The following CCDC180 variants were observed in gnomAD, a reference collection of about 807,000 sequenced individuals.
The protein encoded by CCDC180 is coiled-coil domain-containing protein 180.
Under a neutral mutation model 209.2 loss-of-function variants are expected in CCDC180, and 154 were observed. The ratio of observed to expected loss-of-function variants is 0.74; its 90% CI spans 0.65 to 0.84. The LOEUF (loss-of-function observed/expected upper bound fraction) is 0.84. Among genes scored for constraint, CCDC180 ranks in the 40% least tolerant of loss-of-function variants. The pLI is 0.00. For missense variants in CCDC180, 1,874 were observed against 1,997.3 expected, an observed-to-expected ratio of 0.94 and a Z score of 1.18; for synonymous variants, 778 against 749.1, an observed-to-expected ratio of 1.04 and a Z score of -0.63.
Position 97,354,884 on chromosome 9 carries a change from C to A in CCDC180, c.3148-8C>A. The A allele has an allele frequency of 1.2e-6, 2 of 1,601,460 alleles. No homozygotes were observed. The highest frequency in any genetic ancestry group is 1.7e-6 in the Non-Finnish European group (2 of 1,168,438). On this transcript the variant is annotated splice_region_variant and splice_polypyrimidine_tract_variant and intron_variant, in intron 23 of 36. Coordinates refer to ENST00000529487, the MANE Select transcript of CCDC180 (RefSeq NM_020893.6). The stretch of plus-strand genomic sequence containing the variant: ...CCCCTGTCCTTTACCCTTTATCTCT[C>A]TGTACAGGCCAATGATGTCATCAAC...
chr9:97,315,998 G>A (rs544907671), intron 8 of CCDC180, among the ~76,000 whole-genome samples: 2 of 152,184 alleles, frequency 1.3e-5, no homozygotes, highest in Non-Finnish European at 2.9e-5. Flanking sequence ...TCAAGCCATC[G>A]TAAGTCGGGG....
chr9:97,377,060 C>A lies in CCDC180; in HGVS notation c.*166C>A. ...CGAACAGGACACAGCATGGTCCCTG[C>A]CCACGTGGAGCCCTCTTCCCATGAG... On this transcript the variant is annotated 3_prime_UTR_variant, in exon 37 of 37. Coordinates refer to ENST00000529487, the MANE Select transcript of CCDC180 (RefSeq NM_020893.6). The A allele has an allele frequency of 1.6e-6, 1 of 634,786 alleles. No individual in the cohort carries two copies. The highest frequency in any genetic ancestry group is 2.4e-6 in the Non-Finnish European group (1 of 408,784). 39.3% of individuals were successfully genotyped at this position (634,786 alleles called of 1,614,324 possible).
chr9:97,353,995 CTTTTTT>C (rs33935021), intron 22 of CCDC180, among the ~76,000 whole-genome samples: 2 of 120,162 alleles, frequency 1.7e-5, no homozygotes, highest in Admixed American at 8.8e-5. Flanking sequence ...ATCTGGAATT[CTTTTTT>C]TTTTTTTTTT....
Position 97,314,470 on chromosome 9 carries a change from T to G in CCDC180, c.537T>G (p.Arg179=). Residue 179 remains arginine, a synonymous_variant, in exon 6 of 37, where the codon CGT becomes CGG. Transcript: ENST00000529487. ...KLTESDEEMN[R]LFLKVENDTN... ...CTGAGTCTGATGAAGAAATGAACCG[T>G]CTCTTCCTAAAGGTGGAAAATGACA... is the stretch of plus-strand genomic sequence containing the variant. 1 of 1,614,108 alleles carries G rather than the reference T, an allele frequency of 6.2e-7. No homozygotes were observed. Among genetic ancestry groups the G allele is most frequent in the South Asian group, 1.1e-5 (1 of 91,076 alleles).
intron 3 of CCDC180, 84 bp downstream of exon 3, chr9:97,309,688 G>T: frequency 8.7e-7 from 1 of 1,146,366 alleles, no homozygotes. Context: ...CACAAGATGA[G>T]TAGCCTGTAG....
At chr9:97,310,180 G>A (rs1406483259) in intron 3 of CCDC180, among the ~76,000 whole-genome samples, 1 of 152,226 alleles carries the variant, frequency 6.6e-6, no homozygotes, top group African/African-American at 2.4e-5. Context: ...TGCAGAATGT[G>A]GGGGGCTTCA....
chr9:97,371,521 C>A, intron 33 of CCDC180, 74 bp from the exon 34 acceptor site: 1 of 891,988 alleles, frequency 1.1e-6, no homozygotes, highest in Non-Finnish European at 1.8e-6. Flanking sequence ...GCAGAGTTCA[C>A]CCATCCCCTC....
chr9:97,343,309 C>T (rs1468243756), intron 18 of CCDC180, 31 bp from the exon 19 acceptor site: 2 of 1,422,884 alleles, frequency 1.4e-6, no homozygotes, highest in Non-Finnish European at 2.0e-6. Flanking sequence ...TTGATGATAT[C>T]AAGTCAACTT....
intron 32 of CCDC180, 44 bp downstream of exon 32, chr9:97,370,126 A>C (rs910288319): frequency 3.8e-6 from 6 of 1,586,056 alleles, no homozygotes; most frequent in Non-Finnish European, 5.1e-6. Flanking sequence ...GACCAGGGGA[A>C]CTGGGAGTTC....
At chr9:97,325,244 TCAAA>T (rs1364660101) in intron 14 of CCDC180, 52 bp downstream of exon 14, 1 of 1,526,696 alleles carries the variant, frequency 6.6e-7, no homozygotes, top group Non-Finnish European at 8.9e-7. Context: ...AGCAATGAAC[TCAAA>T]CAGATCCTTG....
intron 31 of CCDC180, among the ~76,000 whole-genome samples, chr9:97,368,107 G>T (rs1312678782): frequency 6.6e-6 from 1 of 152,186 alleles, no homozygotes; most frequent in African/African-American, 2.4e-5. Flanking sequence ...TCTGTTTCCT[G>T]CAGCTTGGCA....
intron 11 of CCDC180, 143 bp from the exon 12 acceptor site, chr9:97,322,690 G>A (rs1833398109): frequency 1.5e-6 from 1 of 680,836 alleles, no homozygotes; most frequent in Non-Finnish European, 2.6e-6. Flanking sequence ...GGGGACCCCA[G>A]CCCCTGATCT....
At chr9:97,326,211 T>C (rs1354968174) in intron 14 of CCDC180, among the ~76,000 whole-genome samples, 3 of 152,168 alleles carry the variant, frequency 2.0e-5, no homozygotes, top group African/African-American at 7.2e-5. Flanking sequence ...GCTTCTGATT[T>C]CAAGCACGAC....
At position 97,314,615 on chromosome 9, in the gene CCDC180, T is replaced by C. The variant is rs1174069643; in HGVS notation, c.589-3T>C. On this transcript the variant is annotated splice_region_variant and splice_polypyrimidine_tract_variant and intron_variant, in intron 6 of 36. Transcript: ENST00000529487. ...CTAGCCTGACCCAAACTTCTCTGCGTAGGCCCTGCTGGAGCTGTGGGATAA... is the reference window on the plus strand; with the variant it reads ...CTAGCCTGACCCAAACTTCTCTGCGCAGGCCCTGCTGGAGCTGTGGGATAA... The C allele has an allele frequency of 3.1e-6, 5 of 1,614,020 alleles. No homozygotes were observed. In the South Asian group the frequency reaches 4.4e-5, roughly 14 times the overall value.
intron 18 of CCDC180, among the ~76,000 whole-genome samples, chr9:97,333,676 G>A (rs181291012): frequency 3.3e-5 from 5 of 151,812 alleles, no homozygotes; most frequent in African/African-American, 7.3e-5. Flanking sequence ...TGTGTGCAAA[G>A]AGGTGTTCAT....
chr9:97,307,922 C>A, intron 1 of CCDC180, 61 bp from the exon 2 acceptor site: 1 of 1,580,388 alleles, frequency 6.3e-7, no homozygotes, highest in South Asian at 1.2e-5. Context: ...CGCCTCGAGG[C>A]CAGACGTCGT....
intron 13 of CCDC180, among the ~76,000 whole-genome samples, chr9:97,324,264 T>C (rs1274844735): frequency 6.6e-6 from 1 of 152,158 alleles, no homozygotes; most frequent in Non-Finnish European, 1.5e-5. Flanking sequence ...AGATGGTGAC[T>C]ATTTTAGGCT....
Position 97,347,628 on chromosome 9 carries a change from GT to G in CCDC180, c.2674+140del, listed in dbSNP as rs1191304018. 1.4e-5 allele frequency: 11 copies of G among 788,572 alleles called. No homozygotes were observed. The Admixed American group carries it at 2.7e-4, about 20-fold the overall frequency. The allele number at this position is 788,572 out of a possible 1,614,324, so 48.8% of individuals were successfully genotyped here. A position where few individuals can be genotyped will look rare whatever the true frequency, so the allele number is the denominator to read the frequency against. On this transcript the variant is annotated intron_variant, in intron 20 of 36. Transcript: ENST00000529487. ...ATGTTCTCATCACACCATGGAAGAT[GT>G]ACATGAGGGTTCGCACCTCTGAGGC...
Position 97,347,943 on chromosome 9 carries a change from T to C in CCDC180, c.2674+454T>C, listed in dbSNP as rs2306096. On this transcript the variant is annotated intron_variant, in intron 20 of 36. Coordinates refer to ENST00000529487, the MANE Select transcript of CCDC180 (RefSeq NM_020893.6). ...CTCTCTCACCTGCAGAAGGGGTTGATAGAAGTGTTAAGGAGGTGGTGATAA... is the reference window on the plus strand; with the variant it reads ...CTCTCTCACCTGCAGAAGGGGTTGACAGAAGTGTTAAGGAGGTGGTGATAA... Among the ~76,000 whole-genome samples the C allele has an allele frequency of 5.5e-3, 832 of 152,292 alleles. 22 individuals are homozygous for C. In the East Asian group the frequency reaches 0.078, roughly 14 times the overall value.
Sources: allele counts gnomAD v4.1 joint callset (sites outside exome capture counted in the v4.1 genomes callset), GRCh38; gene constraint gnomAD v4.1.1; transcripts MANE v1.5; gene names NCBI Gene and HGNC (gene_info 2026-07-23, HGNC 2026-07-21).